The following SLC2A14 variants were observed in gnomAD, a reference collection of about 807,000 sequenced individuals.
SLC2A14 encodes solute carrier family 2, facilitated glucose transporter member 14.
SLC2A14 carries 13 observed loss-of-function variants against 43.0 expected under a neutral mutation model. The observed-to-expected ratio is 0.30, with a 90% CI of 0.20 to 0.48. The LOEUF (loss-of-function observed/expected upper bound fraction) is 0.48, where lower values mean the gene tolerates loss of function less well. SLC2A14 is among the 20% of genes least tolerant of loss of function. The pLI is 0.99. For synonymous variants in SLC2A14, 190 were observed against 233.8 expected (o/e 0.81, Z 1.71); for missense variants, 428 against 620.4 (o/e 0.69, Z 3.29).
upstream of SLC2A14, chr12:7,873,358 CG>C: frequency 1.0e-6 from 1 of 985,360 alleles, no homozygotes; most frequent in Middle Eastern, 5.2e-4. Context: ...AGAGTTATTT[CG>C]GGCCGCGCAC....
At chr12:7,824,474 C>G (rs1160784354) in intron 7 of SLC2A14, among the ~76,000 whole-genome samples, 1 of 151,998 alleles carries the variant, frequency 6.6e-6, no homozygotes, top group Non-Finnish European at 1.5e-5. Context: ...TGGCTCACAC[C>G]TGTAATCCCA....
intron 5 of SLC2A14, 99 bp downstream of exon 5, chr12:7,829,667 T>C: frequency 2.0e-6 from 3 of 1,498,930 alleles, no homozygotes; most frequent in Non-Finnish European, 2.7e-6. Flanking sequence ...CCATATGTAA[T>C]TGAACATGTG....
chr12:7,863,582 A>G, intron 2 of SLC2A14: 1 of 310,952 alleles, frequency 3.2e-6, no homozygotes, highest in Admixed American at 4.3e-5. Flanking sequence ...AGATTGTGCC[A>G]CTGCACTCCC....
rs757148167 is a variant in SLC2A14 at position 7,821,236 on chromosome 12, G to T, written c.954C>A (p.Ile318=). ...ATISAGVVNT[I]FTLLSLFLVE... The stretch of plus-strand genomic sequence containing the variant: ...TCCAACTTACAGAAAGTAAAGTGAA[G>T]ATAGTATTAACCACACCCGCGCTGA... Residue 318 remains isoleucine, a synonymous_variant, in exon 8 of 11, where the codon ATC becomes ATA. Transcript: ENST00000431042. 1.9e-6 allele frequency: 3 copies of T among 1,613,340 alleles called. No individual in the cohort carries two copies.
At chr12:7,874,920 T>TATATATTTATATAAAAATTATATATAA (rs1945416318), upstream of SLC2A14, among the ~76,000 whole-genome samples, 1 of 90,056 alleles carries the variant, frequency 1.1e-5, no homozygotes, top group African/African-American at 4.8e-5. Context: ...CATATATAAA[T>TATATATTTATATAAAAATTATATATAA]ATATATTTAT....
chr12:7,874,454 A>G (rs1945374840), upstream of SLC2A14, among the ~76,000 whole-genome samples: 2 of 151,872 alleles, frequency 1.3e-5, no homozygotes, highest in Non-Finnish European at 2.9e-5. Flanking sequence ...CAGGTGGATC[A>G]TGAGATCAAG....
At chr12:7,865,142 T>C (rs1490777933) in intron 2 of SLC2A14, among the ~76,000 whole-genome samples, 1 of 152,188 alleles carries the variant, frequency 6.6e-6, no homozygotes, top group Non-Finnish European at 1.5e-5. Flanking sequence ...ATTTCGTTAT[T>C]ATTATATCTG....
At position 7,827,551 on chromosome 12, in the gene SLC2A14, G is replaced by A; in HGVS notation, c.808C>T (p.Pro270Ser). ...ELFRVSSYRQPIIISIVLQLS... is the reference protein window; with the variant it reads ...ELFRVSSYRQSIIISIVLQLS... ...TGGAGCACAATGGAAATGATGATGG[G>A]CTGTCGGTAGCTGGACACTCTAAAG... Residue 270 changes from proline to serine, a missense_variant, in exon 7 of 11, where the codon CCC (proline) becomes TCC (serine). Physicochemically the swap from Pro to Ser is moderately conservative, Grantham distance 74 (BLOSUM62 -1). Transcript: ENST00000431042. 1 of 1,612,910 alleles carries A rather than the reference G, an allele frequency of 6.2e-7. No homozygotes were observed. The highest frequency in any genetic ancestry group is 8.5e-7 in the Non-Finnish European group (1 of 1,179,826).
chr12:7,880,713 A>AG (rs1565588557), intron 1 of SLC2A14, among the ~76,000 whole-genome samples: 3 of 38,278 alleles, frequency 7.8e-5, no homozygotes, highest in Admixed American at 4.0e-4. Context: ...AAAAAAAAAA[A>AG]AGAGAGAAAT....
chr12:7,882,141 G>A (rs1447704749), intron 1 of SLC2A14, among the ~76,000 whole-genome samples: 2 of 151,904 alleles, frequency 1.3e-5, no homozygotes, highest in Non-Finnish European at 2.9e-5. Context: ...TCAGTTTTTG[G>A]GTCTGCACTG....
chr12:7,851,742 C>A (rs1866955480), intron 2 of SLC2A14, among the ~76,000 whole-genome samples: 1 of 152,104 alleles, frequency 6.6e-6, no homozygotes, highest in Admixed American at 6.6e-5. Context: ...TTTTTCTCCC[C>A]TTTCATCTTT....
At position 7,814,311 on chromosome 12, in the gene SLC2A14, AT is replaced by A. The variant is rs1276628471; in HGVS notation, c.*4del. ...TGCCGGGAGGGAGGTGGAAGGAGGC[AT>A]GACTTAGACATTGGTGGTGGTCTCC... is the stretch of plus-strand genomic sequence containing the variant. On this transcript the variant is annotated 3_prime_UTR_variant, in exon 11 of 11. Transcript: ENST00000431042. 2 of 1,586,034 alleles carry A rather than the reference AT, an allele frequency of 1.3e-6. No homozygotes were observed. The highest frequency in any genetic ancestry group is 2.7e-5 in the African/African-American group (2 of 73,932).
At chr12:7,880,174 G>C (rs1191320606) in intron 1 of SLC2A14, among the ~76,000 whole-genome samples, 2 of 151,848 alleles carry the variant, frequency 1.3e-5, no homozygotes, top group East Asian at 3.9e-4. Context: ...AGTGGAGCGT[G>C]CCTGTAATCC....
upstream of SLC2A14, among the ~76,000 whole-genome samples, chr12:7,874,754 T>C (rs1167518738): frequency 6.5e-5 from 5 of 76,690 alleles, no homozygotes; most frequent in Non-Finnish European, 1.3e-4. Context: ...TATATAAATA[T>C]TTATATAACT....
intron 2 of SLC2A14, among the ~76,000 whole-genome samples, chr12:7,843,121 C>A (rs909773007): frequency 1.3e-5 from 2 of 151,798 alleles, no homozygotes; most frequent in Non-Finnish European, 2.9e-5. Context: ...TTTGAGTTAC[C>A]CCCTCATCTT....
upstream of SLC2A14, among the ~76,000 whole-genome samples, chr12:7,877,978 T>G (rs1363892562): frequency 6.6e-6 from 1 of 152,126 alleles, no homozygotes; most frequent in Non-Finnish European, 1.5e-5. Flanking sequence ...CCTGAGCTCG[T>G]GATATGCCTG....
chr12:7,852,338 CAGAAAAA>C (rs1867004505), intron 2 of SLC2A14, among the ~76,000 whole-genome samples: 1 of 151,968 alleles, frequency 6.6e-6, no homozygotes, highest in Non-Finnish European at 1.5e-5. Context: ...AGAATGGTGA[CAGAAAAA>C]TGTAAACTTT....
chr12:7,873,178 G>A (rs762267350), upstream of SLC2A14: 41 of 985,670 alleles, frequency 4.2e-5, no homozygotes, highest in Non-Finnish European at 4.6e-5. Context: ...CTCTTTACGG[G>A]GAAACAGTTT....
chr12:7,822,439 G>A lies in SLC2A14; in HGVS notation c.865-1114C>T, dbSNP rs1053531205. Among the ~76,000 whole-genome samples the A allele has an allele frequency of 1.6e-4, 25 of 151,710 alleles. 1 individual carries two copies. The East Asian group carries it at 2.6e-3, about 16-fold the overall frequency. On this transcript the variant is annotated intron_variant, in intron 7 of 10. Coordinates refer to ENST00000431042, the MANE Select transcript of SLC2A14 (RefSeq NM_001286234.2). ...TCCCAGCACTTTGGGAGGCCGAGGC[G>A]GGCAGATCACGAGGTCAGGAGATCG... is the stretch of plus-strand genomic sequence containing the variant.
Sources: allele counts gnomAD v4.1 joint callset (sites outside exome capture counted in the v4.1 genomes callset), GRCh38; gene constraint gnomAD v4.1.1; transcripts MANE v1.5; gene names NCBI Gene and HGNC (gene_info 2026-07-23, HGNC 2026-07-21).